The following PCSK5 variants were observed in gnomAD, a reference collection of about 807,000 sequenced individuals.
PCSK5 encodes prohormone convertase 5.
Under a neutral mutation model 233.2 loss-of-function variants are expected in PCSK5, and 129 were observed. The ratio of observed to expected loss-of-function variants is 0.55; its 90% CI spans 0.48 to 0.64. PCSK5 has a LOEUF of 0.64. PCSK5 is among the 30% of genes least tolerant of loss of function. PCSK5 has a pLI of 0.00. For synonymous variants in PCSK5, 825 were observed against 879.2 expected (o/e 0.94, Z 1.09); for missense variants, 2,076 against 2,430.1 (o/e 0.85, Z 3.06).
At chr9:76,023,526 A>G (rs1445287199) in intron 3 of PCSK5, among the ~76,000 whole-genome samples, 5 of 152,002 alleles carry the variant, frequency 3.3e-5, no homozygotes, top group African/African-American at 4.8e-5. Flanking sequence ...TTAGCTGGGC[A>G]TGGTGGTGTG....
intron 15 of PCSK5, among the ~76,000 whole-genome samples, chr9:76,181,020 AAC>A (rs1428997058): frequency 1.3e-5 from 2 of 152,196 alleles, no homozygotes; most frequent in Non-Finnish European, 2.9e-5. Context: ...TATGACAAAC[AAC>A]ACACGAAAAT....
chr9:76,172,261 G>A (rs1208880344), intron 13 of PCSK5, among the ~76,000 whole-genome samples: 1 of 149,834 alleles, frequency 6.7e-6, no homozygotes, highest in East Asian at 1.9e-4. Flanking sequence ...GTGTTAGCAA[G>A]GAAGATGGAT....
intron 7 of PCSK5, among the ~76,000 whole-genome samples, chr9:76,087,761 C>A (rs1031422763): frequency 3.3e-5 from 5 of 152,134 alleles, no homozygotes; most frequent in African/African-American, 7.2e-5. Flanking sequence ...TTAAAAATTT[C>A]TTGGTTTAGT....
intron 20 of PCSK5, among the ~76,000 whole-genome samples, chr9:76,212,563 C>T (rs983124763): frequency 3.3e-5 from 5 of 152,226 alleles, no homozygotes; most frequent in Admixed American, 1.3e-4. Context: ...TCTGCTAGAT[C>T]ATTCCAACCA....
At chr9:75,944,584 TTC>T (rs1179476619) in intron 2 of PCSK5, among the ~76,000 whole-genome samples, 1 of 152,128 alleles carries the variant, frequency 6.6e-6, no homozygotes, top group Non-Finnish European at 1.5e-5. Context: ...AGAGTTTTCT[TTC>T]TGTCTTTCCC....
chr9:76,030,885 C>T (rs998282162), intron 5 of PCSK5, among the ~76,000 whole-genome samples: 11 of 152,126 alleles, frequency 7.2e-5, no homozygotes, highest in Non-Finnish European at 1.5e-4. Flanking sequence ...TGCTTTGACC[C>T]ATCCTAAGCA....
Position 75,999,999 on chromosome 9 carries a change from T to C in PCSK5, c.411+13754T>C, listed in dbSNP as rs147947369. 8.3e-3 allele frequency among the ~76,000 whole-genome samples: 1,269 copies of C among 152,218 alleles called. 18 individuals carry two copies. Among genetic ancestry groups the C allele is most frequent in the African/African-American group, 0.028 (1,170 of 41,540 alleles). On this transcript the variant is annotated intron_variant, in intron 3 of 37. Coordinates refer to ENST00000674117, the MANE Select transcript of PCSK5 (RefSeq NM_001372043.1). Reference sequence around the variant, plus strand: ...CAGAGTGAACAGGCAACCTACAGAATGGGAGAAAGTTTTTGCAATCTATCC... The same window carrying C: ...CAGAGTGAACAGGCAACCTACAGAACGGGAGAAAGTTTTTGCAATCTATCC...
At chr9:76,358,287 C>A (rs961580191) in intron 37 of PCSK5, among the ~76,000 whole-genome samples, 19 of 152,102 alleles carry the variant, frequency 1.2e-4, no homozygotes, top group Admixed American at 5.9e-4. Flanking sequence ...GGGAGGATCT[C>A]TTGAGCCCAA....
At chr9:75,981,225 G>A (rs552177300) in intron 2 of PCSK5, among the ~76,000 whole-genome samples, 3 of 152,190 alleles carry the variant, frequency 2.0e-5, no homozygotes, top group Non-Finnish European at 4.4e-5. Context: ...TTAACGAAAT[G>A]TTTATTCCTA....
At position 76,093,244 on chromosome 9, in the gene PCSK5, A is replaced by C. The variant is rs1831373029; in HGVS notation, c.895-2646A>C. Among the ~76,000 whole-genome samples, 8 of 151,810 alleles carry C rather than the reference A, an allele frequency of 5.3e-5. No individual in the cohort carries two copies. In the South Asian group the frequency reaches 1.7e-3, roughly 32 times the overall value. ...AAAATAGCTGAGACTAGAAGCATGC[A>C]CCACCACCCGGCTATTTCTTTTTAA... is the stretch of plus-strand genomic sequence containing the variant. On this transcript the variant is annotated intron_variant, in intron 7 of 37. Transcript: ENST00000674117.
At chr9:76,301,036 G>T (rs543202189) in intron 27 of PCSK5, among the ~76,000 whole-genome samples, 3 of 152,146 alleles carry the variant, frequency 2.0e-5, no homozygotes, top group African/African-American at 7.2e-5. Flanking sequence ...ACTTTGGGAA[G>T]CTGAGGTGGG....
chr9:75,950,728 C>T (rs1225329072), intron 2 of PCSK5, among the ~76,000 whole-genome samples: 2 of 152,148 alleles, frequency 1.3e-5, no homozygotes, highest in Admixed American at 1.3e-4. Context: ...CCAGCCACTG[C>T]AAAAACATGA....
At chr9:75,985,197 T>C (rs4313218) in intron 2 of PCSK5, among the ~76,000 whole-genome samples, 98,274 of 152,116 alleles carry the variant, frequency 0.65, 31,955 homozygotes, top group East Asian at 0.71. Flanking sequence ...AACTGGAACA[T>C]GCTTATTTTT....
At chr9:76,219,322 A>T (rs1160096935) in intron 20 of PCSK5, among the ~76,000 whole-genome samples, 1 of 152,162 alleles carries the variant, frequency 6.6e-6, no homozygotes, top group Non-Finnish European at 1.5e-5. Context: ...GGGGCAATGG[A>T]GCAGAGAAAG....
chr9:76,111,810 A>G (rs1381151054), intron 9 of PCSK5, among the ~76,000 whole-genome samples: 1 of 152,222 alleles, frequency 6.6e-6, no homozygotes, highest in East Asian at 1.9e-4. Context: ...ACCTGGCAGA[A>G]CACCTTATGT....
In PCSK5 at chr9:76,317,584, T is replaced by G. The variant is rs183206270; in HGVS notation, c.3885-3838T>G. Among the ~76,000 whole-genome samples, 712 of 152,306 alleles carry G rather than the reference T, an allele frequency of 4.7e-3. 2 individuals carry two copies. The highest frequency in any genetic ancestry group is 8.3e-3 in the Non-Finnish European group (566 of 68,010). ...TTAAAGAGGTCTCTGGTAGATTGGG[T>G]TATTTGTTGCAGTTCTTCGCCACTC... On this transcript the variant is annotated intron_variant, in intron 30 of 37. Transcript: ENST00000674117.
At chr9:76,220,462 G>C (rs999092653) in intron 20 of PCSK5, among the ~76,000 whole-genome samples, 6 of 148,808 alleles carry the variant, frequency 4.0e-5, no homozygotes, top group African/African-American at 1.5e-4. Flanking sequence ...GGGAGGCAGA[G>C]GTTGCAGTGA....
chr9:76,179,290 C>T (rs545608507), intron 14 of PCSK5, among the ~76,000 whole-genome samples: 1 of 151,992 alleles, frequency 6.6e-6, no homozygotes, highest in African/African-American at 2.4e-5. Flanking sequence ...TTTCCAGTTG[C>T]TACAGTTCAT....
Position 76,181,419 on chromosome 9 carries a change from C to A in PCSK5, c.2025C>A (p.Pro675=). The A allele has an allele frequency of 6.2e-7, 1 of 1,613,448 alleles. No homozygotes were observed. The highest frequency in any genetic ancestry group is 8.5e-7 in the Non-Finnish European group (1 of 1,179,686). The change falls in exon 16 of 38, where the codon CCC becomes CCA. Residue 675 remains proline (P), a synonymous_variant. Transcript: ENST00000674117. ...NNTRICVSSC[P]PGHYHADKKR... ...GCAGGATCTGTGTCTCCAGCTGCCC[C>A]CCTGGCCACTACCACGCCGACAAGA...
Sources: allele counts gnomAD v4.1 joint callset (sites outside exome capture counted in the v4.1 genomes callset), GRCh38; gene constraint gnomAD v4.1.1; transcripts MANE v1.5; gene names NCBI Gene and HGNC (gene_info 2026-07-23, HGNC 2026-07-21).